NSUN7: variants seen among roughly 807,000 people sequenced by gnomAD.
NSUN7 encodes protein NSUN7.
Under a neutral mutation model 58.5 loss-of-function variants are expected in NSUN7, and 39 were observed. The ratio of observed to expected loss-of-function variants is 0.67; its 90% CI spans 0.52 to 0.87. The LOEUF (loss-of-function observed/expected upper bound fraction) is 0.87. NSUN7 is among the 40% of genes least tolerant of loss of function. The pLI is 0.00. For missense variants in NSUN7, 765 were observed against 844.1 expected (o/e 0.91, Z 1.16); for synonymous variants, 278 against 303.7 (o/e 0.92, Z 0.88).
intron 4 of NSUN7, among the ~76,000 whole-genome samples, chr4:40,763,579 G>A (rs559991278): frequency 6.6e-6 from 1 of 152,166 alleles, no homozygotes; most frequent in Non-Finnish European, 1.5e-5. Context: ...CTCTAACCAA[G>A]TAAGAAAGAT....
Position 40,774,421 on chromosome 4 carries a change from A to C in NSUN7, c.641+4A>C. ...GGATAAATACTTGTAAAATCAGGTAAGTGTTTAAATCAAATTCTTTATATT... is the reference window on the plus strand; with the variant it reads ...GGATAAATACTTGTAAAATCAGGTACGTGTTTAAATCAAATTCTTTATATT... On this transcript the variant is annotated splice_donor_region_variant and intron_variant, in intron 5 of 11. Transcript: ENST00000381782. The C allele has an allele frequency of 6.2e-7, 1 of 1,611,482 alleles. No homozygotes were observed. Among genetic ancestry groups the C allele is most frequent in the Non-Finnish European group, 8.5e-7 (1 of 1,178,230 alleles).
chr4:40,804,004 T>C (rs1309749627), intron 10 of NSUN7, among the ~76,000 whole-genome samples: 2 of 152,200 alleles, frequency 1.3e-5, no homozygotes, highest in Non-Finnish European at 2.9e-5. Context: ...AGCAAAAGCC[T>C]GTCTAAAACA....
At position 40,751,569 on chromosome 4, in the gene NSUN7, A is replaced by G. The variant is rs564659509; in HGVS notation, c.298+578A>G. On this transcript the variant is annotated intron_variant, in intron 2 of 11. Coordinates refer to ENST00000381782, the MANE Select transcript of NSUN7 (RefSeq NM_024677.6). ...AAAAGGTGCAAAATTTAAAAAATGAATATCAAAATTACACCAACCCCAATT... is the reference window on the plus strand; with the variant it reads ...AAAAGGTGCAAAATTTAAAAAATGAGTATCAAAATTACACCAACCCCAATT... Among the ~76,000 whole-genome samples, 10 of 152,328 alleles carry G rather than the reference A, an allele frequency of 6.6e-5. No individual in the cohort carries two copies. The East Asian group carries it at 1.9e-3, about 29-fold the overall frequency.
rs182802946 is a variant in NSUN7 at position 40,790,597 on chromosome 4, C to T, written c.1037-5C>T. The T allele has an allele frequency of 2.8e-3, 4,236 of 1,499,126 alleles. 15 individuals are homozygous for T. The highest frequency in any genetic ancestry group is 3.3e-3 in the Non-Finnish European group (3,646 of 1,100,834). The allele number at this position is 1,499,126 out of a possible 1,614,324, so 92.9% of individuals were successfully genotyped here. On this transcript the variant is annotated splice_polypyrimidine_tract_variant and splice_region_variant and intron_variant, in intron 7 of 11. Transcript: ENST00000381782. ...TACATTAAATTTTCTGTGTTTTTTCCCCAGATATTGAAATACTTCATGAGA... is the reference window on the plus strand; with the variant it reads ...TACATTAAATTTTCTGTGTTTTTTCTCCAGATATTGAAATACTTCATGAGA...
At chr4:40,774,503 G>T in intron 5 of NSUN7, 86 bp downstream of exon 5, 1 of 1,353,582 alleles carries the variant, frequency 7.4e-7, no homozygotes, top group Non-Finnish European at 1.0e-6. Context: ...TTTAAGAGGT[G>T]GGGGTGGCAC....
chr4:40,790,156 A>G (rs1299211321), intron 7 of NSUN7, among the ~76,000 whole-genome samples: 1 of 150,678 alleles, frequency 6.6e-6, no homozygotes, highest in Non-Finnish European at 1.5e-5. Flanking sequence ...CCCTTGCTAT[A>G]TAATAGACAG....
chr4:40,808,994 A>G lies in NSUN7; in HGVS notation c.*55A>G. 1 of 1,438,652 alleles carries G rather than the reference A, an allele frequency of 7.0e-7. No homozygotes were observed. Among genetic ancestry groups the G allele is most frequent in the East Asian group, 2.5e-5 (1 of 39,976 alleles). The allele number at this position is 1,438,652 out of a possible 1,614,324, so 89.1% of individuals were successfully genotyped here. ...AGCAGTTGATTTTTTTTCAAAGTCT[A>G]GTATTTCTCTGAAGATTCTACATCT... is the stretch of plus-strand genomic sequence containing the variant. On this transcript the variant is annotated 3_prime_UTR_variant, in exon 12 of 12. Coordinates refer to ENST00000381782, the MANE Select transcript of NSUN7 (RefSeq NM_024677.6).
intron 2 of NSUN7, among the ~76,000 whole-genome samples, chr4:40,752,124 C>T (rs1414134965): frequency 6.6e-6 from 1 of 152,148 alleles, no homozygotes; most frequent in Non-Finnish European, 1.5e-5. Context: ...AATGTAGTTC[C>T]AAAAAGAAGT....
intron 7 of NSUN7, among the ~76,000 whole-genome samples, chr4:40,779,872 A>G (rs1304239945): frequency 6.6e-6 from 1 of 152,210 alleles, no homozygotes; most frequent in African/African-American, 2.4e-5. Context: ...TATTAAGTCA[A>G]TGATGTTTGC....
intron 10 of NSUN7, among the ~76,000 whole-genome samples, 198 bp downstream of exon 10, chr4:40,799,102 T>TTTTTTA (rs1743462181): frequency 1.5e-5 from 2 of 130,408 alleles, no homozygotes; most frequent in Non-Finnish European, 3.3e-5. Context: ...TTTTTTTTTT[T>TTTTTTA]AAAGATGGAA....
At chr4:40,804,966 C>T (rs184653765) in intron 10 of NSUN7, among the ~76,000 whole-genome samples, 12 of 152,224 alleles carry the variant, frequency 7.9e-5, no homozygotes, top group Admixed American at 2.0e-4. Context: ...TTCCTTGCTG[C>T]TTGATAGTGG....
At position 40,810,875 on chromosome 4, in the gene NSUN7, C is replaced by T. The variant is rs919418923; in HGVS notation, c.*1936C>T. On this transcript the variant is annotated 3_prime_UTR_variant, in exon 12 of 12. Coordinates refer to ENST00000381782, the MANE Select transcript of NSUN7 (RefSeq NM_024677.6). ...GTGCAGCTTAATTTAACATATTGTT[C>T]AGTAAAGAATCCCATTGTGTATCAT... The T allele has an allele frequency of 3.9e-5, 6 of 152,158 alleles. No individual in the cohort carries two copies. Among genetic ancestry groups the T allele is most frequent in the Non-Finnish European group, 8.8e-5 (6 of 68,042 alleles). The allele number at this position is 152,158 out of a possible 1,614,324, so 9.4% of individuals were successfully genotyped here. A position where few individuals can be genotyped will look rare whatever the true frequency, so the allele number is the denominator to read the frequency against.
At chr4:40,769,239 T>G (rs1243917540) in intron 4 of NSUN7, among the ~76,000 whole-genome samples, 2 of 152,252 alleles carry the variant, frequency 1.3e-5, no homozygotes, top group East Asian at 3.8e-4. Context: ...AACTCTCACT[T>G]TCCTGCAATC....
chr4:40,761,773 A>G (rs1295634194), intron 4 of NSUN7, among the ~76,000 whole-genome samples: 1 of 152,230 alleles, frequency 6.6e-6, no homozygotes, highest in African/African-American at 2.4e-5. Context: ...TTTATCCTAA[A>G]TATCAGTAGA....
chr4:40,791,229 G>A (rs868494371), intron 8 of NSUN7, among the ~76,000 whole-genome samples: 16 of 152,124 alleles, frequency 1.1e-4, no homozygotes, highest in African/African-American at 3.6e-4. Flanking sequence ...TGTCTTAATC[G>A]CTAGGATGTA....
intron 4 of NSUN7, among the ~76,000 whole-genome samples, chr4:40,765,591 A>T (rs1403687705): frequency 6.6e-6 from 1 of 152,064 alleles, no homozygotes. Flanking sequence ...TATGAACTTT[A>T]AAGTAGTTTT....
chr4:40,801,423 G>A (rs1035413805), intron 10 of NSUN7, among the ~76,000 whole-genome samples: 3 of 151,978 alleles, frequency 2.0e-5, no homozygotes, highest in Non-Finnish European at 4.4e-5. Flanking sequence ...TGTTATAGTT[G>A]TTATTATTTA....
At position 40,799,077 on chromosome 4, in the gene NSUN7, T is replaced by TTG. The variant is rs1553919786; in HGVS notation, c.1400+174_1400+175insGT. Among the ~76,000 whole-genome samples, 11 of 128,990 alleles carry TTG rather than the reference T, an allele frequency of 8.5e-5. 2 individuals are homozygous for TTG. The highest frequency in any genetic ancestry group is 2.7e-4 in the African/African-American group (9 of 33,002). 84.6% of individuals were successfully genotyped at this position (128,990 alleles called of 152,430 possible). On this transcript the variant is annotated intron_variant, in intron 10 of 11. Transcript: ENST00000381782. ...AAGATTCCATAGGGCCTTTTTCTTT[T>TTG]TTTTTTTTTTTTTTTTTTTTTTTTT...
At chr4:40,780,802 TATATATATA>T (rs1238331900) in intron 7 of NSUN7, among the ~76,000 whole-genome samples, 156 of 102,868 alleles carry the variant, frequency 1.5e-3, no homozygotes, top group Non-Finnish European at 2.2e-3. Flanking sequence ...CATATATATA[TATATATATA>T]TATTTTTTTT....
Sources: allele counts gnomAD v4.1 joint callset (sites outside exome capture counted in the v4.1 genomes callset), GRCh38; gene constraint gnomAD v4.1.1; transcripts MANE v1.5; gene names NCBI Gene and HGNC (gene_info 2026-07-23, HGNC 2026-07-21).